EIF4G3: variants seen among roughly 807,000 people sequenced by gnomAD.
EIF4G3 encodes the protein eukaryotic translation initiation factor 4 gamma 3.
EIF4G3 carries 34 observed loss-of-function variants against 186.4 expected under a neutral mutation model. The ratio of observed to expected loss-of-function variants is 0.18; its 90% CI spans 0.14 to 0.24. The LOEUF is 0.24. EIF4G3 is among the 10% of genes least tolerant of loss of function. The pLI, the probability that EIF4G3 is intolerant of heterozygous loss-of-function variation, is 1.00. For synonymous variants in EIF4G3, 673 were observed against 679.5 expected (o/e 0.99, Z 0.15); for missense variants, 1,536 against 1,948.5 (o/e 0.79, Z 3.99).
chr1:21,069,992 A>T (rs1284569387), intron 3 of EIF4G3, among the ~76,000 whole-genome samples: 1 of 152,234 alleles, frequency 6.6e-6, no homozygotes, highest in Non-Finnish European at 1.5e-5. Context: ...GTCAAAGATG[A>T]TCTTTCAAAG....
intron 4 of EIF4G3, among the ~76,000 whole-genome samples, chr1:21,025,408 A>G (rs1342343490): frequency 2.0e-5 from 3 of 152,204 alleles, no homozygotes; most frequent in South Asian, 2.1e-4. Context: ...GCCCAGGTAC[A>G]TAGTGATAAG....
intron 7 of EIF4G3, among the ~76,000 whole-genome samples, chr1:20,989,933 T>C (rs1343013585): frequency 1.3e-5 from 2 of 152,096 alleles, no homozygotes; most frequent in Non-Finnish European, 2.9e-5. Context: ...TCCCAGCACT[T>C]TGGGAGGCCG....
At chr1:21,071,562 G>T (rs926309683) in intron 3 of EIF4G3, among the ~76,000 whole-genome samples, 1 of 152,134 alleles carries the variant, frequency 6.6e-6, no homozygotes, top group African/African-American at 2.4e-5. Context: ...GGCCGGGCAC[G>T]GTGGCTCACG....
chr1:20,849,030 C>T (rs1249613754), intron 29 of EIF4G3, among the ~76,000 whole-genome samples: 1 of 107,992 alleles, frequency 9.3e-6, no homozygotes, highest in Non-Finnish European at 1.7e-5. Context: ...CTGGGCAACA[C>T]AGCAAGACTC....
chr1:20,924,958 T>C (rs1408602297), intron 14 of EIF4G3, among the ~76,000 whole-genome samples: 1 of 152,218 alleles, frequency 6.6e-6, no homozygotes, highest in Non-Finnish European at 1.5e-5. Flanking sequence ...GTAATTCATA[T>C]GAACAAAAAG....
chr1:20,901,873 G>T (rs1304669606), intron 15 of EIF4G3, among the ~76,000 whole-genome samples: 1 of 152,064 alleles, frequency 6.6e-6, no homozygotes, highest in African/African-American at 2.4e-5. Context: ...CCTTTTATAG[G>T]AATCTGTTAA....
chr1:21,087,414 G>C (rs1475983335), intron 3 of EIF4G3, among the ~76,000 whole-genome samples: 1 of 152,096 alleles, frequency 6.6e-6, no homozygotes, highest in Non-Finnish European at 1.5e-5. Context: ...CTTGAGCCCA[G>C]GAATTTGAAA....
intron 3 of EIF4G3, among the ~76,000 whole-genome samples, chr1:21,076,365 T>G (rs1220637709): frequency 6.6e-6 from 1 of 151,820 alleles, no homozygotes; most frequent in Non-Finnish European, 1.5e-5. Context: ...AAACGAAAGT[T>G]TATTGCAATA....
chr1:20,939,421 T>C (rs1413665225), intron 14 of EIF4G3, among the ~76,000 whole-genome samples: 2 of 152,220 alleles, frequency 1.3e-5, no homozygotes, highest in Admixed American at 6.5e-5. Flanking sequence ...ATTGAGAGCA[T>C]CTGCATTTCA....
Position 21,168,195 on chromosome 1 carries a change from G to A in EIF4G3, c.-272+7980C>T, listed in dbSNP as rs993116276. 4 of 325,912 alleles carry A rather than the reference G, an allele frequency of 1.2e-5. No homozygotes were observed. The Admixed American group carries it at 1.8e-4, about 15-fold the overall frequency. 20.2% of individuals were successfully genotyped at this position (325,912 alleles called of 1,614,324 possible). A position where few individuals can be genotyped will look rare whatever the true frequency, so the allele number is the denominator to read the frequency against. On this transcript the variant is annotated intron_variant, in intron 2 of 36. Transcript: ENST00000602326. ...GAGGTGGGCAGATCACTTGAGGTCA[G>A]GAGTTTGAGACCAGCCTGGCCAACA...
intron 4 of EIF4G3, among the ~76,000 whole-genome samples, chr1:21,024,169 G>C (rs1175344262): frequency 1.3e-5 from 2 of 150,438 alleles, no homozygotes; most frequent in Admixed American, 6.6e-5. Context: ...AGGGAGGTGG[G>C]GGGGGGTCAG....
intron 4 of EIF4G3, chr1:21,003,616 A>T (rs753150986): frequency 3.1e-6 from 1 of 318,172 alleles, no homozygotes; most frequent in Non-Finnish European, 6.1e-6. Context: ...ATGCCAGCTA[A>T]GGTTGTCAGT....
chr1:20,977,881 G>T (rs868245400), intron 10 of EIF4G3, among the ~76,000 whole-genome samples: 3 of 152,128 alleles, frequency 2.0e-5, no homozygotes, highest in African/African-American at 7.2e-5. Flanking sequence ...AAGAGGGCTG[G>T]CACAGACTTA....
chr1:20,977,089 TG>T (rs1241432840), intron 10 of EIF4G3, among the ~76,000 whole-genome samples: 2 of 106,100 alleles, frequency 1.9e-5, no homozygotes, highest in African/African-American at 5.9e-5. Flanking sequence ...TAAATATAAA[TG>T]AAAAAAAAAA....
chr1:21,176,466 G>C (rs966410124), intron 1 of EIF4G3, 108 bp from the exon 2 acceptor site: 3 of 187,260 alleles, frequency 1.6e-5, no homozygotes, highest in African/African-American at 7.2e-5. Flanking sequence ...GGCAGCGGGG[G>C]GGCGGGATGG....
At chr1:20,943,971 T>TG (rs1558362961) in intron 13 of EIF4G3, among the ~76,000 whole-genome samples, 8,955 of 18,516 alleles carry the variant, frequency 0.48, 1,831 homozygotes, top group East Asian at 0.61. Context: ...GTCTTTATTT[T>TG]TTTTGTGTGT....
At chr1:21,112,900 CA>C (rs1015056290) in intron 2 of EIF4G3, among the ~76,000 whole-genome samples, 6 of 151,700 alleles carry the variant, frequency 4.0e-5, no homozygotes, top group African/African-American at 1.5e-4. Flanking sequence ...AAAACTCTAC[CA>C]AAAAAAGTTT....
At chr1:20,826,910 A>C (rs183239860) in intron 32 of EIF4G3, among the ~76,000 whole-genome samples, 1 of 152,364 alleles carries the variant, frequency 6.6e-6, no homozygotes, top group Admixed American at 6.5e-5. Flanking sequence ...ATTAACAAAT[A>C]GTCAACAGAA....
rs142096357 is a variant in EIF4G3, at chr1:21,074,436, T to C, written c.-196+14702A>G. Among the ~76,000 whole-genome samples, 291 of 152,308 alleles carry C rather than the reference T, an allele frequency of 1.9e-3. 1 individual carries two copies. Among genetic ancestry groups the C allele is most frequent in the Non-Finnish European group, 2.3e-3 (156 of 68,026 alleles). On this transcript the variant is annotated intron_variant, in intron 3 of 36. Coordinates refer to ENST00000602326, the MANE Select transcript of EIF4G3 (RefSeq NM_001391906.1). ...AAGAATGCCTAACATTATGAAAATA[T>C]CTAAATGCTATCATCTCGTATTTAA...
Sources: allele counts gnomAD v4.1 joint callset (sites outside exome capture counted in the v4.1 genomes callset), GRCh38; gene constraint gnomAD v4.1.1; transcripts MANE v1.5; gene names NCBI Gene and HGNC (gene_info 2026-07-23, HGNC 2026-07-21).